The following PCED1B variants were observed in gnomAD, a reference collection of about 807,000 sequenced individuals.
PCED1B encodes PC-esterase domain-containing protein 1B.
For missense variants in PCED1B, 573 were observed against 573.9 expected (o/e 1.00, Z 0.02); for synonymous variants, 251 against 246.1 (o/e 1.02, Z -0.19).
intron 2 of PCED1B, among the ~76,000 whole-genome samples, chr12:47,190,386 C>T (rs930629472): frequency 1.3e-5 from 2 of 152,230 alleles, no homozygotes; most frequent in African/African-American, 4.8e-5. Flanking sequence ...GTCCTGGTCT[C>T]CAACCTTTGG....
At chr12:47,105,447 G>A (rs1018650310) in intron 2 of PCED1B, among the ~76,000 whole-genome samples, 42 of 152,136 alleles carry the variant, frequency 2.8e-4, no homozygotes, top group African/African-American at 9.7e-4. Flanking sequence ...GATGGTGAAG[G>A]GTGGAAGCAG....
At chr12:47,229,345 CAG>C (rs1361467769) in intron 3 of PCED1B, among the ~76,000 whole-genome samples, 3 of 151,070 alleles carry the variant, frequency 2.0e-5, no homozygotes, top group Non-Finnish European at 2.9e-5. Context: ...ACCCAAGAGG[CAG>C]AGTTTGCAGT....
chr12:47,116,079 C>T (rs1465798264), intron 2 of PCED1B, among the ~76,000 whole-genome samples: 5 of 152,182 alleles, frequency 3.3e-5, no homozygotes, highest in Admixed American at 1.3e-4. Context: ...TAGCATATCA[C>T]ATTAATGTTT....
chr12:47,210,662 G>A (rs1353437693), intron 2 of PCED1B: 7 of 152,220 alleles, frequency 4.6e-5, no homozygotes, highest in African/African-American at 1.7e-4. Context: ...CTACTTGGGA[G>A]ACTGAGGCAC....
At chr12:47,189,740 A>G (rs1942385526) in intron 2 of PCED1B, among the ~76,000 whole-genome samples, 1 of 152,248 alleles carries the variant, frequency 6.6e-6, no homozygotes, top group Non-Finnish European at 1.5e-5. Flanking sequence ...CAAACAATTA[A>G]TAAACATGGA....
At chr12:47,102,016 A>G (rs904220128) in intron 1 of PCED1B, among the ~76,000 whole-genome samples, 2 of 152,206 alleles carry the variant, frequency 1.3e-5, no homozygotes, top group South Asian at 2.1e-4. Context: ...CAGAGAAATC[A>G]TTTGTCCTAA....
intron 1 of PCED1B, among the ~76,000 whole-genome samples, chr12:47,103,111 A>G (rs1295538541): frequency 6.6e-6 from 1 of 152,230 alleles, no homozygotes; most frequent in Non-Finnish European, 1.5e-5. Context: ...TTTTAAAAAA[A>G]AAATCAAAGC....
At chr12:47,089,562 CA>C (rs1251872237) in intron 1 of PCED1B, among the ~76,000 whole-genome samples, 3 of 145,974 alleles carry the variant, frequency 2.1e-5, no homozygotes, top group African/African-American at 7.6e-5. Context: ...TTTGGGAAGC[CA>C]AGTTTATAAT....
intron 2 of PCED1B, among the ~76,000 whole-genome samples, chr12:47,118,047 T>A (rs1013924760): frequency 8.7e-5 from 13 of 149,402 alleles, no homozygotes; most frequent in African/African-American, 2.6e-4. Flanking sequence ...GATGGGGTTG[T>A]TTGATTTTTT....
chr12:47,131,910 G>T (rs534034169), intron 2 of PCED1B, among the ~76,000 whole-genome samples: 1 of 151,792 alleles, frequency 6.6e-6, no homozygotes, highest in Non-Finnish European at 1.5e-5. Flanking sequence ...CTCGTGATCC[G>T]CCCACCTCCA....
In PCED1B at chr12:47,131,673, C is replaced by CTTTTTTTTTTTTTTTTTTTTTTT. The variant is rs760678015; in HGVS notation, c.-526+27492_-526+27493insTTTTTTTTTTTTTTTTTTTTTTT. Among the ~76,000 whole-genome samples the CTTTTTTTTTTTTTTTTTTTTTTT allele has an allele frequency of 1.5e-4, 19 of 127,990 alleles. 1 individual carries two copies. Among genetic ancestry groups the CTTTTTTTTTTTTTTTTTTTTTTT allele is most frequent in the African/African-American group, 6.8e-4 (19 of 27,930 alleles). The allele number at this position is 127,990 out of a possible 152,430, so 84.0% of individuals were successfully genotyped here. A position where few individuals can be genotyped will look rare whatever the true frequency, so the allele number is the denominator to read the frequency against. On this transcript the variant is annotated intron_variant, in intron 2 of 3. Transcript: ENST00000546455. ...CTGACACTATTGTCATGTTTTACTTCTTTTTTTTTTTTTTGAGAAGGAGTC... is the reference window on the plus strand; with the variant it reads ...CTGACACTATTGTCATGTTTTACTTCTTTTTTTTTTTTTTTTTTTTTTTTTTTTTTTTTTTTTGAGAAGGAGTC...
Position 47,235,759 on chromosome 12 carries a change from G to T in PCED1B, c.696G>T (p.Trp232Cys). ...ACCTGCACTGGGACGGGGTGCACTG[G>T]AATGGACGTGTGCACCGCTGCCTCT... ...RENLHWDGVH[W>C]NGRVHRCLSQ... The change falls in exon 4 of 4, where the codon TGG (tryptophan) becomes TGT (cysteine). Residue 232 changes from tryptophan (W) to cysteine (C), a missense_variant. Trp to Cys is a radical substitution (Grantham distance 215, BLOSUM62 -2). Coordinates refer to ENST00000546455, the MANE Select transcript of PCED1B (RefSeq NM_138371.3). The T allele has an allele frequency of 6.3e-7, 1 of 1,596,684 alleles. No individual in the cohort carries two copies. The highest frequency in any genetic ancestry group is 8.5e-7 in the Non-Finnish European group (1 of 1,171,964).
chr12:47,172,812 T>C (rs891648211), intron 2 of PCED1B, among the ~76,000 whole-genome samples: 7 of 152,220 alleles, frequency 4.6e-5, no homozygotes, highest in Non-Finnish European at 8.8e-5. Context: ...AACTGTCTCC[T>C]GAGATCCTGC....
chr12:47,217,472 G>GAA (rs369250575), intron 3 of PCED1B, among the ~76,000 whole-genome samples: 1 of 49,630 alleles, frequency 2.0e-5, no homozygotes, highest in African/African-American at 1.0e-4. Context: ...GAAAGAAAGA[G>GAA]AAAGAAAGAA....
At chr12:47,209,028 C>G (rs1478896395) in intron 2 of PCED1B, 2 of 152,198 alleles carry the variant, frequency 1.3e-5, no homozygotes, top group African/African-American at 4.8e-5. Flanking sequence ...TTACATCACC[C>G]TTCTCTATGT....
At chr12:47,109,658 A>G (rs1454493186) in intron 2 of PCED1B, among the ~76,000 whole-genome samples, 6 of 152,210 alleles carry the variant, frequency 3.9e-5, no homozygotes, top group African/African-American at 1.4e-4. Context: ...ATTTATCTCT[A>G]TTCAGTCATG....
At chr12:47,174,032 C>T (rs145134366) in intron 2 of PCED1B, among the ~76,000 whole-genome samples, 2 of 152,256 alleles carry the variant, frequency 1.3e-5, no homozygotes, top group African/African-American at 4.8e-5. Flanking sequence ...GTAATCCCAG[C>T]ACTTTGGAAA....
chr12:47,178,924 A>C (rs1334980462), intron 2 of PCED1B, among the ~76,000 whole-genome samples: 2 of 152,058 alleles, frequency 1.3e-5, no homozygotes, highest in African/African-American at 2.4e-5. Flanking sequence ...TACCAGTGTC[A>C]TGAACGTAAG....
At chr12:47,224,077 A>C (rs1245428908) in intron 3 of PCED1B, 3 of 152,212 alleles carry the variant, frequency 2.0e-5, no homozygotes, top group Non-Finnish European at 2.9e-5. Flanking sequence ...ATAGGTAGGA[A>C]GTTAGCAAAT....
Sources: allele counts gnomAD v4.1 joint callset (sites outside exome capture counted in the v4.1 genomes callset), GRCh38; gene constraint gnomAD v4.1.1; transcripts MANE v1.5; gene names NCBI Gene and HGNC (gene_info 2026-07-23, HGNC 2026-07-21).